The following RERE variants were observed in gnomAD, a reference collection of about 807,000 sequenced individuals.
The protein encoded by RERE is arginine-glutamic acid dipeptide repeats protein.
RERE carries 40 observed loss-of-function variants against 146.1 expected under a neutral mutation model. The ratio of observed to expected loss-of-function variants is 0.27; its 90% confidence interval spans 0.21 to 0.36. The LOEUF (loss-of-function observed/expected upper bound fraction) is 0.36, where lower values mean the gene tolerates loss of function less well. Ranked by LOEUF, RERE falls within the 10% of genes least tolerant of loss-of-function variation. RERE has a pLI of 1.00. For missense variants in RERE, 1,933 were observed against 2,138.7 expected (o/e 0.90, Z 1.90); for synonymous variants, 1,003 against 866.0 (o/e 1.16, Z -2.78).
At chr1:8,414,280 C>T (rs1643699072) in intron 12 of RERE, among the ~76,000 whole-genome samples, 1 of 152,098 alleles carries the variant, frequency 6.6e-6, no homozygotes, top group Non-Finnish European at 1.5e-5. Flanking sequence ...GGCGTGGTGG[C>T]TCACACCTGT....
rs773601727 is a variant in RERE, at chr1:8,435,116, G to A, written c.1204-12309C>T. 5.7e-4 allele frequency among the ~76,000 whole-genome samples: 87 copies of A among 152,336 alleles called. 1 individual carries two copies. Among genetic ancestry groups the A allele is most frequent in the South Asian group, 2.3e-3 (11 of 4,828 alleles). ...AACCACTAAAAACTTTAACCTGTTA[G>A]TCACTATTAATTTAAGCAAACAAAT... On this transcript the variant is annotated intron_variant, in intron 11 of 22. Coordinates refer to ENST00000400908, the MANE Select transcript of RERE (RefSeq NM_001042681.2).
chr1:8,725,456 C>A (rs931282723), intron 1 of RERE, among the ~76,000 whole-genome samples: 1 of 152,100 alleles, frequency 6.6e-6, no homozygotes, highest in Non-Finnish European at 1.5e-5. Flanking sequence ...GTCCCAGCTA[C>A]TCAGGAGGCT....
At chr1:8,383,089 A>G (rs1220602180) in intron 12 of RERE, among the ~76,000 whole-genome samples, 1 of 151,996 alleles carries the variant, frequency 6.6e-6, no homozygotes. Context: ...CCCTAGAACG[A>G]CAGTGCCTTA....
chr1:8,664,463 C>T (rs10864360), intron 1 of RERE, among the ~76,000 whole-genome samples: 95,733 of 151,948 alleles, frequency 0.63, 30,666 homozygotes, highest in East Asian at 0.83. Context: ...TCTACCAGAT[C>T]TCCCCTTCAG....
chr1:8,511,542 CT>C (rs1332894370), intron 7 of RERE, among the ~76,000 whole-genome samples: 1 of 152,110 alleles, frequency 6.6e-6, no homozygotes, highest in Non-Finnish European at 1.5e-5. Context: ...GGCAAAAGTA[CT>C]TTTTAGGTCC....
rs1175816305 is a variant in RERE at position 8,352,665 on chromosome 1, G to GA, written c.*2421_*2422insT. On this transcript the variant is annotated 3_prime_UTR_variant, in exon 23 of 23. Transcript: ENST00000400908. ...ACAAGATACGGACACACACAGAGGA[G>GA]CCAAACCAAACCCCGAACAAAGGGA... 6.6e-6 allele frequency: 1 copy of GA among 152,312 alleles called. No homozygotes were observed. Among genetic ancestry groups the GA allele is most frequent in the Non-Finnish European group, 1.5e-5 (1 of 68,052 alleles). The allele number at this position is 152,312 out of a possible 1,614,324, so 9.4% of individuals were successfully genotyped here.
In RERE at chr1:8,416,356, C is replaced by A. The variant is rs60560758; in HGVS notation, c.1284+6371G>T. On this transcript the variant is annotated intron_variant, in intron 12 of 22. Coordinates refer to ENST00000400908, the MANE Select transcript of RERE (RefSeq NM_001042681.2). Reference sequence around the variant, plus strand: ...ATCCCAGCACTTTGGGAGGCCAAGGCGGGCGGATCACAAGGTCAGGAGATC... The same window carrying A: ...ATCCCAGCACTTTGGGAGGCCAAGGAGGGCGGATCACAAGGTCAGGAGATC... Among the ~76,000 whole-genome samples the A allele has an allele frequency of 1.0e-3, 157 of 152,118 alleles. 3 individuals carry two copies. Among genetic ancestry groups the A allele is most frequent in the Middle Eastern group, 6.8e-3 (2 of 294 alleles).
In RERE at chr1:8,354,758, G is replaced by A. The variant is rs1641222746; in HGVS notation, c.*329C>T. The A allele has an allele frequency of 3.1e-6, 1 of 321,226 alleles. No homozygotes were observed. The highest frequency in any genetic ancestry group is 6.5e-5 in the East Asian group (1 of 15,398). The allele number at this position is 321,226 out of a possible 1,614,324, so 19.9% of individuals were successfully genotyped here. A position where few individuals can be genotyped will look rare whatever the true frequency, so the allele number is the denominator to read the frequency against. ...CACGCACAGTGAAGGGTGTGAACTG[G>A]ATTCTAGCACCTACTGAGAAATCAA... On this transcript the variant is annotated 3_prime_UTR_variant, in exon 23 of 23. Transcript: ENST00000400908.
Position 8,800,884 on chromosome 1 carries a change from G to T in RERE, c.-145+16276C>A, listed in dbSNP as rs575591803. Among the ~76,000 whole-genome samples the T allele has an allele frequency of 2.0e-5, 3 of 152,188 alleles. No homozygotes were observed. The East Asian group carries it at 5.8e-4, about 29-fold the overall frequency. On this transcript the variant is annotated intron_variant, in intron 1 of 22. Coordinates refer to ENST00000400908, the MANE Select transcript of RERE (RefSeq NM_001042681.2). ...AGAGGCTGAGGCAGGAGAACCACTT[G>T]AATTTGGGAGCCGCAGGTTGCAGTG... is the stretch of plus-strand genomic sequence containing the variant.
chr1:8,649,022 C>T (rs1423035705), intron 2 of RERE, among the ~76,000 whole-genome samples: 1 of 151,644 alleles, frequency 6.6e-6, no homozygotes, highest in Admixed American at 6.6e-5. Flanking sequence ...ACCAGTTCTA[C>T]CTACACCAGA....
chr1:8,621,759 TA>T (rs1646918202), intron 3 of RERE, among the ~76,000 whole-genome samples: 1 of 152,236 alleles, frequency 6.6e-6, no homozygotes, highest in Non-Finnish European at 1.5e-5. Context: ...TTCTTCTTCT[TA>T]AAATCTTGCA....
chr1:8,727,666 G>GTATT (rs1416751786), intron 1 of RERE, among the ~76,000 whole-genome samples: 1 of 151,960 alleles, frequency 6.6e-6, no homozygotes, highest in Non-Finnish European at 1.5e-5. Flanking sequence ...GCTGATTTTT[G>GTATT]TATTTTTGGT....
intron 11 of RERE, among the ~76,000 whole-genome samples, chr1:8,447,328 G>C (rs1403080781): frequency 6.6e-6 from 1 of 151,918 alleles, no homozygotes; most frequent in Admixed American, 6.6e-5. Context: ...ATCCAGTTTT[G>C]TTCCCTTGCT....
At chr1:8,523,717 C>T (rs902336541) in intron 7 of RERE, among the ~76,000 whole-genome samples, 5 of 152,186 alleles carry the variant, frequency 3.3e-5, no homozygotes, top group Non-Finnish European at 7.3e-5. Flanking sequence ...CTCTTAACAA[C>T]AGAATATCCA....
chr1:8,608,388 T>C (rs1646748859), intron 4 of RERE, among the ~76,000 whole-genome samples: 1 of 152,050 alleles, frequency 6.6e-6, no homozygotes, highest in Non-Finnish European at 1.5e-5. Context: ...CCTATAGTCC[T>C]AGCTACATGA....
At chr1:8,467,225 G>C (rs531547161) in intron 10 of RERE, among the ~76,000 whole-genome samples, 1 of 152,358 alleles carries the variant, frequency 6.6e-6, no homozygotes, top group East Asian at 1.9e-4. Flanking sequence ...CAATGAGCCA[G>C]CATTTGCCGA....
At chr1:8,399,812 A>T (rs939554813) in intron 12 of RERE, among the ~76,000 whole-genome samples, 15 of 151,974 alleles carry the variant, frequency 9.9e-5, no homozygotes, top group African/African-American at 3.6e-4. Flanking sequence ...TTTTTAAAAA[A>T]AAAAATAAAG....
chr1:8,573,593 G>T (rs1314450969), intron 4 of RERE, among the ~76,000 whole-genome samples: 2 of 151,962 alleles, frequency 1.3e-5, no homozygotes, highest in African/African-American at 4.8e-5. Context: ...TACAACCTTG[G>T]TTGTAATAAG....
intron 1 of RERE, among the ~76,000 whole-genome samples, chr1:8,743,517 T>A (rs936389462): frequency 6.7e-6 from 1 of 149,714 alleles, no homozygotes; most frequent in East Asian, 2.0e-4. Context: ...ATCCTCGGCC[T>A]CCCAAAGTGC....
Sources: gnomAD v4.1 joint callset for allele counts (sites outside exome capture counted in the v4.1 genomes callset) on GRCh38, gnomAD v4.1.1 for gene constraint, MANE v1.5 for transcripts, NCBI Gene and HGNC (gene_info 2026-07-23, HGNC 2026-07-21) for gene names.